The following BMP6 variants were observed in gnomAD, a reference collection of about 807,000 sequenced individuals.
The protein encoded by BMP6 is bone morphogenetic protein 6.
BMP6 carries 17 observed loss-of-function variants against 54.1 expected under a neutral mutation model. The ratio of observed to expected loss-of-function variants is 0.31; its 90% CI spans 0.22 to 0.47. The LOEUF is 0.47. BMP6 is among the 20% of genes least tolerant of loss of function. The probability of loss-of-function intolerance (pLI) is 1.00; values close to 1 mark genes in which losing one functional copy is unlikely to be tolerated. For synonymous variants in BMP6, 328 were observed against 291.2 expected (o/e 1.13, Z -1.28); for missense variants, 720 against 690.4 (o/e 1.04, Z -0.48).
intron 1 of BMP6, among the ~76,000 whole-genome samples, chr6:7,828,196 C>T (rs143923754): frequency 2.2e-4 from 33 of 152,340 alleles, no homozygotes; most frequent in African/African-American, 7.5e-4. Flanking sequence ...GGGCTGAACA[C>T]ACCAGCACAG....
At chr6:7,764,081 A>G (rs901232798) in intron 1 of BMP6, among the ~76,000 whole-genome samples, 30 of 152,184 alleles carry the variant, frequency 2.0e-4, no homozygotes, top group Non-Finnish European at 3.8e-4. Context: ...GAGTTGTTCC[A>G]GGGCTTGGGA....
rs1403887824 is a variant in BMP6, at chr6:7,813,947, A to C, written c.665-31193A>C. On this transcript the variant is annotated intron_variant, in intron 1 of 6. Transcript: ENST00000283147. ...CAGCTTGGGGACATCCAGGTAGTCC[A>C]ATCCTTCCTTTCAGGTTGTTGGAAG... is the stretch of plus-strand genomic sequence containing the variant. Among the ~76,000 whole-genome samples, 5 of 152,316 alleles carry C rather than the reference A, an allele frequency of 3.3e-5. No individual in the cohort carries two copies. The East Asian group carries it at 9.6e-4, about 29-fold the overall frequency.
chr6:7,763,625 A>G (rs17673852), intron 1 of BMP6, among the ~76,000 whole-genome samples: 12,347 of 152,178 alleles, frequency 0.081, 605 homozygotes, highest in Admixed American at 0.12. Flanking sequence ...GGTTTGTCCT[A>G]TCATGGCTGG....
intron 2 of BMP6, among the ~76,000 whole-genome samples, chr6:7,850,130 GT>G (rs948654033): frequency 2.6e-5 from 4 of 152,022 alleles, no homozygotes; most frequent in African/African-American, 9.7e-5. Flanking sequence ...TGGTTTCCAT[GT>G]TTTTGTTTTT....
rs372724956 is a variant in BMP6, at chr6:7,879,160, C to T, written c.1281+10C>T. 1 of 1,611,340 alleles carries T rather than the reference C, an allele frequency of 6.2e-7. No homozygotes were observed. The highest frequency in any genetic ancestry group is 8.5e-7 in the Non-Finnish European group (1 of 1,177,394). On this transcript the variant is annotated intron_variant, in intron 5 of 6. Transcript: ENST00000283147. ...AGACCTGGGATGGCAGGTGAGTTCT[C>T]TGGACACGGGGGATAAAGGTCCTTT...
At chr6:7,745,334 T>C (rs1262844695) in intron 1 of BMP6, among the ~76,000 whole-genome samples, 1 of 152,138 alleles carries the variant, frequency 6.6e-6, no homozygotes, top group African/African-American at 2.4e-5. Flanking sequence ...AGTGCAGTGG[T>C]GCAATCATGG....
intron 1 of BMP6, among the ~76,000 whole-genome samples, chr6:7,728,872 C>T (rs1310168855): frequency 2.0e-5 from 3 of 152,194 alleles, no homozygotes; most frequent in African/African-American, 7.2e-5. Flanking sequence ...GAATGATTCC[C>T]GCGTAGACTA....
intron 2 of BMP6, among the ~76,000 whole-genome samples, chr6:7,859,869 C>T (rs543518401): frequency 1.6e-4 from 24 of 152,134 alleles, no homozygotes; most frequent in African/African-American, 5.5e-4. Context: ...TTGGGAAAGA[C>T]GACAATAGAG....
chr6:7,833,976 G>A (rs1758830997), intron 1 of BMP6, among the ~76,000 whole-genome samples: 1 of 152,154 alleles, frequency 6.6e-6, no homozygotes, highest in African/African-American at 2.4e-5. Context: ...CAGCTTTCAG[G>A]ACTCCCCTGT....
At chr6:7,727,831 C>G (rs1386759561) in intron 1 of BMP6, among the ~76,000 whole-genome samples, 2 of 151,352 alleles carry the variant, frequency 1.3e-5, no homozygotes, top group Non-Finnish European at 2.9e-5. Context: ...GGCTGCGCGC[C>G]GAGGCCCCCA....
At chr6:7,752,183 C>G (rs1230793480) in intron 1 of BMP6, among the ~76,000 whole-genome samples, 1 of 152,202 alleles carries the variant, frequency 6.6e-6, no homozygotes, top group Non-Finnish European at 1.5e-5. Flanking sequence ...ATCTTTGTCT[C>G]AGCTACTCAA....
chr6:7,776,770 T>C (rs1757865703), intron 1 of BMP6, among the ~76,000 whole-genome samples: 1 of 152,208 alleles, frequency 6.6e-6, no homozygotes. Flanking sequence ...CCCACGTCAG[T>C]GCCCCAACCA....
chr6:7,747,866 G>GA (rs1175301297), intron 1 of BMP6, among the ~76,000 whole-genome samples: 1 of 151,072 alleles, frequency 6.6e-6, no homozygotes, highest in Non-Finnish European at 1.5e-5. Flanking sequence ...GGCTGGTCAT[G>GA]AACTCCTGGC....
intron 1 of BMP6, among the ~76,000 whole-genome samples, chr6:7,800,647 GT>G (rs901444126): frequency 1.8e-4 from 28 of 152,166 alleles, no homozygotes; most frequent in African/African-American, 5.5e-4. Context: ...TTCCTCTAGG[GT>G]TTGGGGATGG....
chr6:7,853,736 G>C (rs1222076596), intron 2 of BMP6, among the ~76,000 whole-genome samples: 1 of 152,088 alleles, frequency 6.6e-6, no homozygotes, highest in African/African-American at 2.4e-5. Flanking sequence ...ATAATCTCTG[G>C]CTCCCTCTGT....
intron 1 of BMP6, among the ~76,000 whole-genome samples, chr6:7,734,282 A>G (rs1450005405): frequency 1.3e-5 from 2 of 152,266 alleles, no homozygotes; most frequent in African/African-American, 2.4e-5. Flanking sequence ...CATAGAATTT[A>G]GAGCTTGAAA....
chr6:7,768,179 G>A (rs958797765), intron 1 of BMP6, among the ~76,000 whole-genome samples: 8 of 152,088 alleles, frequency 5.3e-5, no homozygotes, highest in Non-Finnish European at 7.4e-5. Flanking sequence ...GGAGTGCTCT[G>A]GTGTATTGCA....
At chr6:7,773,211 C>T (rs1757816116) in intron 1 of BMP6, among the ~76,000 whole-genome samples, 1 of 152,236 alleles carries the variant, frequency 6.6e-6, no homozygotes, top group African/African-American at 2.4e-5. Context: ...CCTAACACCC[C>T]AGTGTGACCC....
intron 1 of BMP6, among the ~76,000 whole-genome samples, chr6:7,794,444 T>C (rs1255426325): frequency 6.6e-6 from 1 of 151,976 alleles, no homozygotes; most frequent in Non-Finnish European, 1.5e-5. Context: ...TAAAAATTTT[T>C]TTAAAAATAG....
Sources: allele counts gnomAD v4.1 joint callset (sites outside exome capture counted in the v4.1 genomes callset), GRCh38; gene constraint gnomAD v4.1.1; transcripts MANE v1.5; gene names NCBI Gene and HGNC (gene_info 2026-07-23, HGNC 2026-07-21).